The following PCGF3 variants were observed in gnomAD, a reference collection of about 807,000 sequenced individuals.
The protein encoded by PCGF3 is polycomb group RING finger protein 3.
PCGF3 carries 7 observed loss-of-function variants against 33.1 expected under a neutral mutation model. The observed-to-expected ratio is 0.21, with a 90% CI of 0.12 to 0.40. The LOEUF (loss-of-function observed/expected upper bound fraction) is 0.40. Ranked by LOEUF, PCGF3 falls within the 10% of genes least tolerant of loss-of-function variation. The pLI, the probability that PCGF3 is intolerant of heterozygous loss-of-function variation, is 1.00. For synonymous variants in PCGF3, 153 were observed against 121.3 expected (o/e 1.26, Z -1.72); for missense variants, 211 against 313.3 (o/e 0.67, Z 2.46).
chr4:762,047 T>A, intron 9 of PCGF3: 1 of 985,086 alleles, frequency 1.0e-6, no homozygotes, highest in Non-Finnish European at 1.2e-6. Flanking sequence ...CGGACTGTGG[T>A]GGGGGCGGTC....
chr4:764,998 C>T, exon 10 of PCGF3: 1 of 1,613,606 alleles, frequency 6.2e-7, no homozygotes, highest in Non-Finnish European at 8.5e-7. Flanking sequence ...ACATTTTATG[C>T]AACGAGGAGA....
At chr4:770,049 T>C (rs1745558998) in exon 11 of PCGF3, 1 of 152,762 alleles carries the variant, frequency 6.5e-6, no homozygotes, top group Non-Finnish European at 1.5e-5. Context: ...TTTTGCCAAT[T>C]AATATTATAT....
At chr4:741,122 C>T (rs753162841) in intron 6 of PCGF3, among the ~76,000 whole-genome samples, 1 of 152,220 alleles carries the variant, frequency 6.6e-6, no homozygotes, top group Non-Finnish European at 1.5e-5. Context: ...GAGTCACTGA[C>T]TCAACACCAG....
chr4:766,171 G>A (rs1408913911), exon 11 of PCGF3: 1 of 984,298 alleles, frequency 1.0e-6, no homozygotes, highest in Non-Finnish European at 1.6e-6. Context: ...GGTGTCATGT[G>A]GACCAGACTT....
At chr4:714,830 T>C (rs1275589457) in intron 1 of PCGF3, among the ~76,000 whole-genome samples, 1 of 152,256 alleles carries the variant, frequency 6.6e-6, no homozygotes, top group Admixed American at 6.5e-5. Flanking sequence ...GGTAGCTTAT[T>C]TGGGACCTTA....
chr4:707,222 G>A (rs1577389065), intron 1 of PCGF3, among the ~76,000 whole-genome samples: 1 of 151,832 alleles, frequency 6.6e-6, no homozygotes, highest in Non-Finnish European at 1.5e-5. Flanking sequence ...AGGGCCCGGG[G>A]GGGCTAGGAC....
intron 1 of PCGF3, among the ~76,000 whole-genome samples, chr4:724,460 T>C (rs1195135304): frequency 6.6e-6 from 1 of 152,050 alleles, no homozygotes; most frequent in Non-Finnish European, 1.5e-5. Context: ...GTGGGCTGGG[T>C]GGGGTGGCAG....
At chr4:735,013 C>G (rs768661579) in exon 5 of PCGF3, 2 of 1,612,700 alleles carry the variant, frequency 1.2e-6, no homozygotes, top group South Asian at 2.2e-5. Flanking sequence ...AGAGCCACCC[C>G]CTGCAGTACA....
At chr4:726,469 C>A (rs1486705470) in intron 1 of PCGF3, among the ~76,000 whole-genome samples, 1 of 152,256 alleles carries the variant, frequency 6.6e-6, no homozygotes, top group African/African-American at 2.4e-5. Flanking sequence ...CCTGGAGGCA[C>A]TGCCGAAATT....
chr4:708,379 CG>C (rs574988511), intron 1 of PCGF3, among the ~76,000 whole-genome samples: 1 of 152,086 alleles, frequency 6.6e-6, no homozygotes, highest in African/African-American at 2.4e-5. Flanking sequence ...CTGGGACCCT[CG>C]GGGGGGAATC....
intron 1 of PCGF3, chr4:724,162 G>A (rs921203485): frequency 2.6e-5 from 4 of 152,478 alleles, no homozygotes; most frequent in South Asian, 2.1e-4. Flanking sequence ...GAGGGGGCAC[G>A]GAGCCCTGGG....
chr4:765,498 G>C (rs892841721), intron 10 of PCGF3, among the ~76,000 whole-genome samples: 2 of 152,120 alleles, frequency 1.3e-5, no homozygotes, highest in Non-Finnish European at 2.9e-5. Context: ...TGGTCTTTCT[G>C]AAATCATCAA....
chr4:764,656 C>T (rs3755966), intron 9 of PCGF3: 9,587 of 258,986 alleles, frequency 0.037, 270 homozygotes, highest in East Asian at 0.11. Flanking sequence ...CAGATAGGGG[C>T]GGGATGGGAG....
chr4:765,163 G>A (rs1745291345), intron 10 of PCGF3, 99 bp downstream of exon 10: 1 of 819,846 alleles, frequency 1.2e-6, no homozygotes, highest in Non-Finnish European at 2.1e-6. Context: ...GCTGGGTGCA[G>A]TGGCTCATGC....
At chr4:738,579 G>T (rs902601787) in intron 6 of PCGF3, among the ~76,000 whole-genome samples, 1 of 151,800 alleles carries the variant, frequency 6.6e-6, no homozygotes, top group Admixed American at 6.6e-5. Context: ...GCCGGGTGCA[G>T]TGGCTCACGC....
Position 720,552 on chromosome 4 carries a change from C to T in PCGF3, c.-189-10078C>T, listed in dbSNP as rs1298714137. Among the ~76,000 whole-genome samples the T allele has an allele frequency of 2.6e-5, 4 of 152,112 alleles. No homozygotes were observed. The highest frequency in any genetic ancestry group is 4.8e-5 in the African/African-American group (2 of 41,400). Reference sequence around the variant, plus strand: ...GGGAGGACGGCAAGGCTGATGTGGACGCAGCCCCGACGTGAACAGGACCCC... The same window carrying T: ...GGGAGGACGGCAAGGCTGATGTGGATGCAGCCCCGACGTGAACAGGACCCC... On this transcript the variant is annotated intron_variant, in intron 1 of 10. Coordinates refer to ENST00000362003, the Ensembl canonical transcript of PCGF3. This position sits in a 1 kb window ranked among gnomAD's most constrained non-coding sequence, Gnocchi z 5.6.
At chr4:708,155 G>A (rs1742416121) in intron 1 of PCGF3, among the ~76,000 whole-genome samples, 1 of 152,126 alleles carries the variant, frequency 6.6e-6, no homozygotes, top group Non-Finnish European at 1.5e-5. Context: ...ACTGGACAGT[G>A]AGAAGGGCTC....
At chr4:727,374 G>T (rs1385170903) in intron 1 of PCGF3, among the ~76,000 whole-genome samples, 1 of 151,022 alleles carries the variant, frequency 6.6e-6, no homozygotes. Context: ...TCGAACAGCT[G>T]GGAGTACAGG....
At chr4:708,742 C>T (rs1742440593) in intron 1 of PCGF3, among the ~76,000 whole-genome samples, 6 of 152,184 alleles carry the variant, frequency 3.9e-5, no homozygotes. Context: ...TGCCCCACTT[C>T]CTCAGTGTAG....
Sources: allele counts gnomAD v4.1 joint callset (sites outside exome capture counted in the v4.1 genomes callset), GRCh38; gene constraint gnomAD v4.1.1; non-coding constraint Gnocchi (gnomAD v3.1); transcripts MANE v1.5; gene names NCBI Gene and HGNC (gene_info 2026-07-23, HGNC 2026-07-21).